The following PRUNE2 variants were observed in gnomAD, a reference collection of about 807,000 sequenced individuals.
PRUNE2 encodes protein prune homolog 2.
In PRUNE2, 164 loss-of-function variants were observed where a neutral mutation model predicts 252.0. That is an observed-to-expected ratio of 0.65 (90% confidence interval 0.57 to 0.74). PRUNE2 has a LOEUF of 0.74. Ranked by LOEUF, PRUNE2 falls within the 30% of genes least tolerant of loss-of-function variation. PRUNE2 has a pLI of 0.00. For synonymous variants in PRUNE2, 1,292 were observed against 1,350.2 expected (o/e 0.96, Z 0.94); for missense variants, 3,495 against 3,711.0 (o/e 0.94, Z 1.51).
At chr9:76,826,519 T>A in intron 5 of PRUNE2, 61 bp downstream of exon 5, 1 of 1,236,512 alleles carries the variant, frequency 8.1e-7, no homozygotes, top group Non-Finnish European at 1.1e-6. Flanking sequence ...CTGATGATGC[T>A]CCATGCCACA....
chr9:76,834,701 T>C (rs74580383), intron 4 of PRUNE2, among the ~76,000 whole-genome samples: 14,099 of 152,254 alleles, frequency 0.093, 951 homozygotes, highest in Non-Finnish European at 0.14. Context: ...ACAAAGGAGA[T>C]GATATACTGA....
chr9:76,654,466 A>G (rs1310580125), intron 10 of PRUNE2, among the ~76,000 whole-genome samples: 1 of 152,226 alleles, frequency 6.6e-6, no homozygotes, highest in Non-Finnish European at 1.5e-5. Context: ...GAATTTGCAG[A>G]GCAGTGATGT....
intron 1 of PRUNE2, among the ~76,000 whole-genome samples, chr9:76,885,961 C>A (rs77678445): frequency 6.6e-6 from 1 of 151,802 alleles, no homozygotes; most frequent in Non-Finnish European, 1.5e-5. Context: ...GGCCAGATCA[C>A]GAGGTCAAGA....
chr9:76,837,949 T>G (rs999714430), intron 4 of PRUNE2, among the ~76,000 whole-genome samples: 2 of 151,832 alleles, frequency 1.3e-5, no homozygotes, highest in Non-Finnish European at 2.9e-5. Context: ...TTTTTTGTAT[T>G]TTTAGTAGAG....
chr9:76,816,315 A>G (rs983642170), intron 6 of PRUNE2, among the ~76,000 whole-genome samples: 3 of 152,170 alleles, frequency 2.0e-5, no homozygotes, highest in Admixed American at 6.5e-5. Flanking sequence ...CAATTTTCCA[A>G]AGACAAAGTG....
In PRUNE2 at chr9:76,707,302, T is replaced by A. The variant is rs778290800; in HGVS notation, c.4972A>T (p.Ile1658Phe). Residue 1658 changes from isoleucine to phenylalanine, a missense_variant, in exon 8 of 19, where the codon ATT becomes TTT. Coordinates refer to ENST00000376718, the MANE Select transcript of PRUNE2 (RefSeq NM_015225.3). Reference protein sequence around the residue: ...HSGTHQESNLIASYQEKNEHD... With the variant: ...HSGTHQESNLFASYQEKNEHD... The stretch of plus-strand genomic sequence containing the variant: ...TCATTTTTCTCCTGGTAGCTAGCAA[T>A]TAGATTGCTTTCCTGATGTGTCCCT... 5 of 1,613,810 alleles carry A rather than the reference T, an allele frequency of 3.1e-6. 1 individual carries two copies. The East Asian group carries it at 1.1e-4, about 36-fold the overall frequency.
intron 9 of PRUNE2, among the ~76,000 whole-genome samples, chr9:76,702,451 A>T (rs1489806230): frequency 6.6e-6 from 1 of 152,234 alleles, no homozygotes; most frequent in African/African-American, 2.4e-5. Flanking sequence ...CCCTGGAAGC[A>T]GGTGGGCTTC....
intron 4 of PRUNE2, among the ~76,000 whole-genome samples, chr9:76,839,792 T>C (rs898464470): frequency 6.6e-6 from 1 of 152,130 alleles, no homozygotes; most frequent in African/African-American, 2.4e-5. Flanking sequence ...GCAGTGATCA[T>C]GGAAAATGTA....
At chr9:76,842,397 C>A (rs558751233) in intron 4 of PRUNE2, among the ~76,000 whole-genome samples, 107 of 152,184 alleles carry the variant, frequency 7.0e-4, no homozygotes, top group African/African-American at 2.5e-3. Flanking sequence ...AGAAGAAAAC[C>A]TAGGCAATAT....
At chr9:76,854,311 C>T in intron 1 of PRUNE2, 103 bp from the exon 2 acceptor site, 1 of 507,784 alleles carries the variant, frequency 2.0e-6, no homozygotes. Context: ...TATTGATACA[C>T]AATGGCAGAG....
chr9:76,681,220 C>T (rs2043388015), intron 9 of PRUNE2, among the ~76,000 whole-genome samples: 1 of 152,080 alleles, frequency 6.6e-6, no homozygotes, highest in Non-Finnish European at 1.5e-5. Flanking sequence ...ATTCCACTAT[C>T]TGAAGTATCT....
At chr9:76,731,918 T>C (rs533577183) in intron 6 of PRUNE2, among the ~76,000 whole-genome samples, 2 of 152,342 alleles carry the variant, frequency 1.3e-5, no homozygotes, top group East Asian at 1.9e-4. Context: ...CCTTTGCTTA[T>C]AGTAAAGGAG....
At chr9:76,624,339 G>T in intron 17 of PRUNE2, 113 bp downstream of exon 17, 1 of 588,270 alleles carries the variant, frequency 1.7e-6, no homozygotes, top group Non-Finnish European at 2.7e-6. Flanking sequence ...AATTTCTAAA[G>T]TGCATTATTA....
In PRUNE2 at chr9:76,652,644, C is replaced by T. The variant is rs530857327; in HGVS notation, c.8396G>A (p.Arg2799Gln). ...NSLDLNDTHPRRIKLTAPNIN... is the reference protein window; with the variant it reads ...NSLDLNDTHPQRIKLTAPNIN... ...ATTTGGGGCTGTGAGCTTGATTCTCCGAGGATGAGTGTCATTAAGATCCAG... is the reference window on the plus strand; with the variant it reads ...ATTTGGGGCTGTGAGCTTGATTCTCTGAGGATGAGTGTCATTAAGATCCAG... Residue 2799 changes from arginine to glutamine, a missense_variant, in exon 11 of 19, where the codon CGG becomes CAG. Arg to Gln is a conservative substitution (Grantham distance 43, BLOSUM62 1). Coordinates refer to ENST00000376718, the MANE Select transcript of PRUNE2 (RefSeq NM_015225.3). 39 of 1,612,536 alleles carry T rather than the reference C, an allele frequency of 2.4e-5. No individual in the cohort carries two copies. Among genetic ancestry groups the T allele is most frequent in the Middle Eastern group, 3.3e-4 (2 of 6,078 alleles).
At chr9:76,835,709 T>A (rs2058922763) in intron 4 of PRUNE2, among the ~76,000 whole-genome samples, 2 of 152,130 alleles carry the variant, frequency 1.3e-5, no homozygotes, top group Admixed American at 6.5e-5. Context: ...TGTAACCATT[T>A]CAGGAGAGAG....
In PRUNE2 at chr9:76,703,642, G is replaced by T; in HGVS notation, c.7971C>A (p.Gly2657=). Residue 2657 remains glycine, a synonymous_variant, in exon 9 of 19, where the codon GGC becomes GGA. Coordinates refer to ENST00000376718, the MANE Select transcript of PRUNE2 (RefSeq NM_015225.3). The part of the protein sequence containing the change: ...DARDSGPGWS[G]KTVEPFSELG... Reference sequence around the variant, plus strand: ...GTTCAGAGAACGGCTCCACAGTCTTGCCAGACCACCCAGGCCCTGAGTCCC... The same window carrying T: ...GTTCAGAGAACGGCTCCACAGTCTTTCCAGACCACCCAGGCCCTGAGTCCC... The T allele has an allele frequency of 2.5e-6, 4 of 1,612,238 alleles. No individual in the cohort carries two copies. Among genetic ancestry groups the T allele is most frequent in the Non-Finnish European group, 3.4e-6 (4 of 1,179,860 alleles).
At chr9:76,860,048 C>G (rs2060466422) in intron 1 of PRUNE2, among the ~76,000 whole-genome samples, 1 of 152,098 alleles carries the variant, frequency 6.6e-6, no homozygotes, top group Non-Finnish European at 1.5e-5. Flanking sequence ...GGCTGGAAAG[C>G]TGAAACAATT....
In PRUNE2 at chr9:76,611,488, G is replaced by A. The variant is rs1449779012; in HGVS notation, c.*3082C>T. 2 of 152,012 alleles carry A rather than the reference G, an allele frequency of 1.3e-5. No homozygotes were observed. The highest frequency in any genetic ancestry group is 1.9e-4 in the East Asian group (1 of 5,194). The allele number at this position is 152,012 out of a possible 1,614,324, so 9.4% of individuals were successfully genotyped here. On this transcript the variant is annotated 3_prime_UTR_variant, in exon 19 of 19. Coordinates refer to ENST00000376718, the MANE Select transcript of PRUNE2 (RefSeq NM_015225.3). Reference sequence around the variant, plus strand: ...TTATGGAGAATTTATTTACCAAAACGAAGTCTAACAGACACTTTATTCTGA... The same window carrying A: ...TTATGGAGAATTTATTTACCAAAACAAAGTCTAACAGACACTTTATTCTGA...
rs185690270 is a variant in PRUNE2, at chr9:76,748,367, G to A, written c.757-34646C>T. Among the ~76,000 whole-genome samples, 25 of 152,326 alleles carry A rather than the reference G, an allele frequency of 1.6e-4. No homozygotes were observed. In the East Asian group the frequency reaches 2.9e-3, roughly 18 times the overall value. On this transcript the variant is annotated intron_variant, in intron 6 of 18. Transcript: ENST00000376718. ...TAAGACCCTCAGATTGTCTGGAGGA[G>A]ACTGGCCGGAAAGACAACCAGGCCA...
Sources: gnomAD v4.1 joint callset for allele counts (sites outside exome capture counted in the v4.1 genomes callset) on GRCh38, gnomAD v4.1.1 for gene constraint, MANE v1.5 for transcripts, NCBI Gene and HGNC (gene_info 2026-07-23, HGNC 2026-07-21) for gene names.